SPAG16: variants seen among roughly 807,000 people sequenced by gnomAD.
SPAG16 encodes sperm associated antigen 16, also known as sperm-associated antigen 16 protein.
In SPAG16, 86 loss-of-function variants were observed where a neutral mutation model predicts 80.4. That is an observed-to-expected ratio of 1.07 (90% CI 0.90 to 1.28). The LOEUF is 1.28. Among genes scored for constraint, SPAG16 ranks in the 50% most tolerant of loss-of-function variants. The pLI, the probability that SPAG16 is intolerant of heterozygous loss-of-function variation, is 0.00. For missense variants in SPAG16, 870 were observed against 765.3 expected, an observed-to-expected ratio of 1.14 and a Z score of -1.61; for synonymous variants, 294 against 265.9, an observed-to-expected ratio of 1.11 and a Z score of -1.03.
intron 15 of SPAG16, among the ~76,000 whole-genome samples, chr2:214,250,958 A>C (rs529472322): frequency 6.6e-6 from 1 of 151,640 alleles, no homozygotes; most frequent in Admixed American, 6.6e-5. Context: ...AAAAATAGAA[A>C]TTTAGCTTCA....
intron 10 of SPAG16, among the ~76,000 whole-genome samples, chr2:213,590,066 C>G (rs777435167): frequency 5.7e-4 from 87 of 152,052 alleles, no homozygotes; most frequent in African/African-American, 2.0e-3. Context: ...TGTTTCTATC[C>G]TAATTCTCAA....
chr2:213,910,144 T>G (rs2077601575), intron 11 of SPAG16, among the ~76,000 whole-genome samples: 1 of 152,232 alleles, frequency 6.6e-6, no homozygotes, highest in South Asian at 2.1e-4. Context: ...ACATATTCTA[T>G]GGTAACAGAA....
intron 10 of SPAG16, among the ~76,000 whole-genome samples, chr2:213,638,148 A>C (rs1462715389): frequency 6.6e-6 from 1 of 152,068 alleles, no homozygotes. Context: ...TTTCTTTATT[A>C]ATCTCACTAA....
At chr2:213,601,560 A>G in intron 10 of SPAG16, among the ~76,000 whole-genome samples, 1 of 152,080 alleles carries the variant, frequency 6.6e-6, no homozygotes, top group Non-Finnish European at 1.5e-5. Context: ...TCCCATTAAC[A>G]CAGTTTTAAG....
At chr2:214,051,717 G>C (rs2049653261) in intron 13 of SPAG16, among the ~76,000 whole-genome samples, 1 of 152,182 alleles carries the variant, frequency 6.6e-6, no homozygotes, top group Admixed American at 6.5e-5. Flanking sequence ...GTTTAACAGA[G>C]TCAGCAAGAA....
chr2:214,260,983 T>G (rs1163882153), intron 15 of SPAG16, among the ~76,000 whole-genome samples: 1 of 151,518 alleles, frequency 6.6e-6, no homozygotes, highest in Non-Finnish European at 1.5e-5. Flanking sequence ...GGTGGGCACC[T>G]GTAATGCAAG....
chr2:213,818,519 C>A (rs2072716799), intron 10 of SPAG16, among the ~76,000 whole-genome samples: 1 of 152,154 alleles, frequency 6.6e-6, no homozygotes, highest in African/African-American at 2.4e-5. Flanking sequence ...CTGCCAAGTC[C>A]ATGTATATAT....
At chr2:214,233,150 C>A (rs1688816904) in intron 15 of SPAG16, among the ~76,000 whole-genome samples, 1 of 151,914 alleles carries the variant, frequency 6.6e-6, no homozygotes, top group Non-Finnish European at 1.5e-5. Context: ...TAAGTGTTAG[C>A]ATAGAGGTTT....
At chr2:213,518,792 T>C (rs2075545998) in intron 10 of SPAG16, among the ~76,000 whole-genome samples, 1 of 152,184 alleles carries the variant, frequency 6.6e-6, no homozygotes, top group Admixed American at 6.5e-5. Flanking sequence ...TGCTGCACTA[T>C]TCACAATAGC....
At chr2:213,623,566 A>G (rs1045300118) in intron 10 of SPAG16, among the ~76,000 whole-genome samples, 20 of 152,110 alleles carry the variant, frequency 1.3e-4, no homozygotes, top group African/African-American at 4.8e-4. Context: ...CCTGGCATTT[A>G]AACTGGTTCT....
At chr2:213,958,014 C>A (rs1237517761) in intron 12 of SPAG16, among the ~76,000 whole-genome samples, 2 of 152,086 alleles carry the variant, frequency 1.3e-5, no homozygotes, top group East Asian at 3.9e-4. Context: ...TAACCAGAAG[C>A]AGTTTTATTA....
At chr2:214,347,678 G>A (rs903688864) in intron 15 of SPAG16, among the ~76,000 whole-genome samples, 4 of 152,170 alleles carry the variant, frequency 2.6e-5, no homozygotes, top group African/African-American at 7.2e-5. Flanking sequence ...GAGTTGGGGA[G>A]GTTACTCTCA....
At chr2:213,507,928 T>A (rs1160377955) in intron 10 of SPAG16, among the ~76,000 whole-genome samples, 4 of 152,200 alleles carry the variant, frequency 2.6e-5, no homozygotes, top group Admixed American at 2.6e-4. Flanking sequence ...AGCAGTTTTA[T>A]GTAGAGAAGT....
intron 11 of SPAG16, among the ~76,000 whole-genome samples, chr2:213,865,806 G>A (rs2075659588): frequency 6.8e-6 from 1 of 147,770 alleles, no homozygotes; most frequent in African/African-American, 2.5e-5. Context: ...AAAATAATGA[G>A]GAGGTACAAT....
intron 10 of SPAG16, among the ~76,000 whole-genome samples, chr2:213,788,393 A>G (rs1329507862): frequency 6.6e-6 from 1 of 151,928 alleles, no homozygotes; most frequent in Non-Finnish European, 1.5e-5. Flanking sequence ...ACATTATGAA[A>G]ACTTATGCTA....
intron 13 of SPAG16, among the ~76,000 whole-genome samples, chr2:214,025,740 T>A (rs181216133): frequency 6.6e-6 from 1 of 151,564 alleles, no homozygotes. Context: ...ATGCACCATA[T>A]AATCATGGTG....
rs1553522822 is a variant in SPAG16, at chr2:214,195,310, T to TAGATAGATAGATAGATAGAA, written c.1720+46063_1720+46064insAAGATAGATAGATAGATAGA. On this transcript the variant is annotated intron_variant, in intron 15 of 15. Coordinates refer to ENST00000331683, the MANE Select transcript of SPAG16 (RefSeq NM_024532.5). ...ACACAGATAGATGAGAGATGATAGA[T>TAGATAGATAGATAGATAGAA]AGATAGATAGATAGATAGATAGATA... Among the ~76,000 whole-genome samples the TAGATAGATAGATAGATAGAA allele has an allele frequency of 2.1e-4, 32 of 151,356 alleles. No homozygotes were observed. In the East Asian group the frequency reaches 5.7e-3, roughly 27 times the overall value.
chr2:213,696,703 T>C (rs984488208), intron 10 of SPAG16, among the ~76,000 whole-genome samples: 5 of 152,206 alleles, frequency 3.3e-5, no homozygotes, highest in African/African-American at 4.8e-5. Context: ...AAACTAGTAA[T>C]GTTAAAACTG....
intron 10 of SPAG16, among the ~76,000 whole-genome samples, chr2:213,737,527 G>C (rs1231173640): frequency 7.4e-6 from 1 of 135,602 alleles, no homozygotes; most frequent in Non-Finnish European, 1.5e-5. Context: ...TCGCTCTGTC[G>C]CCTAGGCTGG....
Sources: allele counts gnomAD v4.1 joint callset (sites outside exome capture counted in the v4.1 genomes callset), GRCh38; gene constraint gnomAD v4.1.1; transcripts MANE v1.5; gene names NCBI Gene and HGNC (gene_info 2026-07-23, HGNC 2026-07-21).